Variants in HMCN1 observed in about 807,000 individuals in gnomAD.
HMCN1 encodes hemicentin 1.
In HMCN1, 321 loss-of-function variants were observed where a neutral mutation model predicts 625.9. The observed-to-expected ratio is 0.51, with a 90% confidence interval of 0.47 to 0.56. HMCN1 has a LOEUF of 0.56. Ranked by LOEUF, HMCN1 falls within the 20% of genes least tolerant of loss-of-function variation. The pLI, the probability that HMCN1 is intolerant of heterozygous loss-of-function variation, is 0.00. For synonymous variants in HMCN1, 2,425 were observed against 2,417.6 expected, an observed-to-expected ratio of 1.00 and a Z score of -0.09; for missense variants, 6,588 against 6,887.3, an observed-to-expected ratio of 0.96 and a Z score of 1.54.
Position 186,081,259 on chromosome 1 carries a change from G to C in HMCN1, c.8652G>C (p.Val2884=), listed in dbSNP as rs1221324876. The change falls in exon 56 of 107, where the codon GTG becomes GTC. Residue 2884 remains valine (V), a synonymous_variant. Coordinates refer to ENST00000271588, the MANE Select transcript of HMCN1 (RefSeq NM_031935.3). ...ANSDLPEEVT[V]LVNKSALIEC... ...GTGATCTCCCTGAAGAGGTCACCGT[G>C]CTGGTGAACAAGAGTGCACTGATAG... 5.6e-6 allele frequency: 9 copies of C among 1,613,562 alleles called. No individual in the cohort carries two copies. Among genetic ancestry groups the C allele is most frequent in the Non-Finnish European group, 7.6e-6 (9 of 1,179,660 alleles).
intron 1 of HMCN1, among the ~76,000 whole-genome samples, chr1:185,784,057 C>T (rs549530863): frequency 7.0e-4 from 106 of 152,316 alleles, no homozygotes; most frequent in Non-Finnish European, 1.0e-3. Flanking sequence ...CAATGGCGGT[C>T]GCCCCTCCCC....
chr1:186,048,012 T>C (rs1314191271), intron 41 of HMCN1, among the ~76,000 whole-genome samples: 1 of 152,178 alleles, frequency 6.6e-6, no homozygotes, highest in Non-Finnish European at 1.5e-5. Flanking sequence ...TTATATCTTT[T>C]GTATTATCTT....
In HMCN1 at chr1:186,119,791, G is replaced by A. The variant is rs752889177; in HGVS notation, c.12003G>A (p.Leu4001=). 5.0e-6 allele frequency: 8 copies of A among 1,613,876 alleles called. No homozygotes were observed. Among genetic ancestry groups the A allele is most frequent in the African/African-American group, 4.0e-5 (3 of 74,886 alleles). ...AACCAAGTGAACTACACGTCATTCT[G>A]AACAATCCTATTTTATTACCATGTG... is the stretch of plus-strand genomic sequence containing the variant. ...QPQPSELHVI[L]NNPILLPCEA... The change falls in exon 79 of 107, where the codon CTG becomes CTA. Residue 4001 remains leucine (L), a synonymous_variant. Transcript: ENST00000271588.
At chr1:186,174,668 A>C (rs1254019113) in intron 103 of HMCN1, 26 bp downstream of exon 103, 4 of 1,613,228 alleles carry the variant, frequency 2.5e-6, no homozygotes, top group Non-Finnish European at 3.4e-6. Flanking sequence ...CTTGTTGAGC[A>C]ATAAAGCTAC....
chr1:186,103,489 G>A lies in HMCN1; in HGVS notation c.10591G>A (p.Gly3531Arg). 1 of 1,612,876 alleles carries A rather than the reference G, an allele frequency of 6.2e-7. No homozygotes were observed. Residue 3531 changes from glycine to arginine, a missense_variant, in exon 69 of 107, where the codon GGA becomes AGA. This residue lies in a region of HMCN1 where 4,628 missense variants were observed against 4,853.1 expected (regional missense o/e 0.95). Coordinates refer to ENST00000271588, the MANE Select transcript of HMCN1 (RefSeq NM_031935.3). The part of the protein sequence containing the change: ...LKVLEPPHIN[G>R]SEEHEEISVI... ...TTAAATAGAACCACCTCACATTAAT[G>A]GATCTGAAGAACATGAAGAGATATC...
intron 1 of HMCN1, among the ~76,000 whole-genome samples, chr1:185,763,847 A>T (rs1655678222): frequency 6.6e-6 from 1 of 152,208 alleles, no homozygotes; most frequent in Non-Finnish European, 1.5e-5. Context: ...TTTATGTGCT[A>T]TAACATTTCT....
At chr1:185,916,683 T>A (rs1666720415) in intron 6 of HMCN1, among the ~76,000 whole-genome samples, 1 of 152,186 alleles carries the variant, frequency 6.6e-6, no homozygotes, top group Non-Finnish European at 1.5e-5. Context: ...AAAAACCATC[T>A]CTATCAGTCA....
intron 75 of HMCN1, 63 bp from the exon 76 acceptor site, chr1:186,116,931 C>G: frequency 6.3e-7 from 1 of 1,581,164 alleles, no homozygotes; most frequent in South Asian, 1.1e-5. Flanking sequence ...CCATGTTAAA[C>G]TAGCTGGGAA....
At chr1:185,892,979 C>A (rs537340573) in intron 4 of HMCN1, among the ~76,000 whole-genome samples, 56 of 152,254 alleles carry the variant, frequency 3.7e-4, no homozygotes, top group African/African-American at 1.3e-3. Flanking sequence ...TGGGGTAGGA[C>A]CCTCCAAGCC....
intron 4 of HMCN1, among the ~76,000 whole-genome samples, chr1:185,897,271 G>GCTT (rs1214489782): frequency 2.6e-5 from 4 of 152,000 alleles, no homozygotes; most frequent in Non-Finnish European, 5.9e-5. Context: ...TGTTCTAGCT[G>GCTT]CCACATTACT....
rs569850168 is a variant in HMCN1, at chr1:185,799,129, A to G, written c.269-46897A>G. ...GGTGCTTTTGGTGGCAAAGTATCGT[A>G]TAAGTTCCTTGGTTATAGATAGCCT... is the stretch of plus-strand genomic sequence containing the variant. On this transcript the variant is annotated intron_variant, in intron 1 of 106. Coordinates refer to ENST00000271588, the MANE Select transcript of HMCN1 (RefSeq NM_031935.3). Among the ~76,000 whole-genome samples, 3 of 152,304 alleles carry G rather than the reference A, an allele frequency of 2.0e-5. No individual in the cohort carries two copies. In the South Asian group the frequency reaches 6.2e-4, roughly 32 times the overall value.
At chr1:186,085,713 A>G (rs1311098560) in intron 57 of HMCN1, among the ~76,000 whole-genome samples, 1 of 151,798 alleles carries the variant, frequency 6.6e-6, no homozygotes, top group African/African-American at 2.4e-5. Flanking sequence ...GAGAGTACTG[A>G]CCACATCTGT....
intron 2 of HMCN1, among the ~76,000 whole-genome samples, chr1:185,860,936 G>A (rs994917302): frequency 2.0e-5 from 3 of 151,760 alleles, no homozygotes; most frequent in African/African-American, 7.3e-5. Context: ...ATTAATATGT[G>A]GTTAAACTGC....
chr1:185,983,577 A>G (rs1651809297), intron 18 of HMCN1, among the ~76,000 whole-genome samples: 1 of 152,238 alleles, frequency 6.6e-6, no homozygotes, highest in African/African-American at 2.4e-5. Context: ...TGAGCACACA[A>G]GTATCTTATA....
intron 2 of HMCN1, among the ~76,000 whole-genome samples, chr1:185,857,030 A>G (rs572037285): frequency 4.4e-4 from 67 of 152,316 alleles, no homozygotes; most frequent in African/African-American, 1.6e-3. Flanking sequence ...TTTAGAAAAG[A>G]CAGCAAGATA....
At chr1:186,166,155 G>A (rs754284213) in intron 98 of HMCN1, 29 bp from the exon 99 acceptor site, 1 of 1,613,326 alleles carries the variant, frequency 6.2e-7, no homozygotes, top group South Asian at 1.1e-5. Flanking sequence ...TTTACATACT[G>A]ATTTGGGCCT....
At chr1:185,913,979 T>C (rs1318221324) in intron 6 of HMCN1, among the ~76,000 whole-genome samples, 1 of 152,060 alleles carries the variant, frequency 6.6e-6, no homozygotes, top group Non-Finnish European at 1.5e-5. Context: ...CTCCTATAAT[T>C]AAGGGAACAA....
At chr1:185,997,560 T>C in intron 25 of HMCN1, 36 bp downstream of exon 25, 1 of 1,391,582 alleles carries the variant, frequency 7.2e-7, no homozygotes, top group Non-Finnish European at 1.0e-6. Context: ...ATTGGCATAA[T>C]GTTATATGGT....
chr1:185,999,533 A>G (rs896295460), intron 25 of HMCN1, among the ~76,000 whole-genome samples: 10 of 152,160 alleles, frequency 6.6e-5, no homozygotes, highest in African/African-American at 2.4e-4. Flanking sequence ...CAAAAGATGC[A>G]TGAACAGTAG....
Sources: gnomAD v4.1 joint callset for allele counts (sites outside exome capture counted in the v4.1 genomes callset) on GRCh38, gnomAD v4.1.1 for gene constraint, gnomAD v4.1.1 regional missense constraint, MANE v1.5 for transcripts, NCBI Gene and HGNC (gene_info 2026-07-23, HGNC 2026-07-21) for gene names.